Variants in CACNA1C observed in about 807,000 individuals in gnomAD.
CACNA1C encodes the protein voltage-dependent L-type calcium channel subunit alpha-1C.
In CACNA1C, 30 loss-of-function variants were observed where a neutral mutation model predicts 229.0. That is an observed-to-expected ratio of 0.13 (90% confidence interval 0.10 to 0.18). The LOEUF (loss-of-function observed/expected upper bound fraction) is 0.18, where lower values mean the gene tolerates loss of function less well. CACNA1C is among the 10% of genes least tolerant of loss of function. The probability of loss-of-function intolerance (pLI) is 1.00; values close to 1 mark genes in which losing one functional copy is unlikely to be tolerated. For missense variants in CACNA1C, 1,658 were observed against 2,845.0 expected (o/e 0.58, Z 9.49); for synonymous variants, 1,114 against 1,132.5 (o/e 0.98, Z 0.33).
At chr12:2,450,417 G>A (rs891818042) in intron 4 of CACNA1C, among the ~76,000 whole-genome samples, 8 of 151,748 alleles carry the variant, frequency 5.3e-5, no homozygotes, top group Non-Finnish European at 7.4e-5. Context: ...AGCCGGGCGA[G>A]GTGGCGGGCG....
intron 3 of CACNA1C, among the ~76,000 whole-genome samples, chr12:2,254,719 G>A (rs2076763121): frequency 6.6e-6 from 1 of 152,214 alleles, no homozygotes; most frequent in South Asian, 2.1e-4. Flanking sequence ...AGTCAGGGCT[G>A]AAGTGGGGTT....
At chr12:2,005,909 A>G (rs1054150124) in intron 1 of CACNA1C, among the ~76,000 whole-genome samples, 1 of 152,252 alleles carries the variant, frequency 6.6e-6, no homozygotes, top group African/African-American at 2.4e-5. Flanking sequence ...TCCAAGAAGA[A>G]TATCCACAAT....
intron 9 of CACNA1C, among the ~76,000 whole-genome samples, chr12:2,518,253 A>ATAT (rs1688466736): frequency 6.6e-6 from 1 of 152,188 alleles, no homozygotes; most frequent in Non-Finnish European, 1.5e-5. Context: ...AGTAACCTGA[A>ATAT]TATCGCTGAT....
chr12:2,247,672 A>G (rs530614068), intron 3 of CACNA1C, among the ~76,000 whole-genome samples: 1 of 152,346 alleles, frequency 6.6e-6, no homozygotes, highest in Non-Finnish European at 1.5e-5. Flanking sequence ...GCAAAGGGAC[A>G]AAAGGAAACT....
Position 2,550,029 on chromosome 12 carries a change from C to A in CACNA1C, c.1477C>A (p.Leu493Met), listed in dbSNP as rs376530064. The change falls in exon 10 of 47, where the codon CTG becomes ATG. Residue 493 changes from leucine (L) to methionine (M), a missense_variant. Physicochemically the swap from Leu to Met is conservative, Grantham distance 15 (BLOSUM62 2). Around this residue, in one of 20 missense-constraint regions of CACNA1C, gnomAD observed 149 missense variants for 194.2 expected, o/e 0.77. Transcript: ENST00000399655. ...CGAGGGAGAAAACTGCGGGGCCAGG[C>A]TGGCGTGAGTAGGCACGGCGAGCCC... ...DIEGENCGAR[L>M]AHRISKSKFS... 186 of 1,601,512 alleles carry A rather than the reference C, an allele frequency of 1.2e-4. No homozygotes were observed. Among genetic ancestry groups the A allele is most frequent in the Non-Finnish European group, 1.5e-4 (179 of 1,173,586 alleles).
rs904271246 is a variant in CACNA1C, at chr12:2,340,576, A to G, written c.478-108400A>G. 1.1e-4 allele frequency among the ~76,000 whole-genome samples: 17 copies of G among 152,338 alleles called. No homozygotes were observed. The East Asian group carries it at 2.9e-3, about 26-fold the overall frequency. On this transcript the variant is annotated intron_variant, in intron 3 of 46. Coordinates refer to ENST00000399655, the MANE Select transcript of CACNA1C (RefSeq NM_000719.7). The stretch of plus-strand genomic sequence containing the variant: ...ATTCTTATTTCTACCTGTAGTTAAG[A>G]TAAAATTCTGATCAACAGAGGGATC...
chr12:2,642,201 G>T lies in CACNA1C; in HGVS notation c.3913-6274G>T, dbSNP rs1010211348. Among the ~76,000 whole-genome samples the T allele has an allele frequency of 2.0e-5, 3 of 152,164 alleles. No individual in the cohort carries two copies. The South Asian group carries it at 6.2e-4, about 32-fold the overall frequency. ...ATTGCCGAGGTCCTGATGCGGCTCT[G>T]ACCCATCCAGGCTCCCCTTGCCCTC... On this transcript the variant is annotated intron_variant, in intron 30 of 46. Coordinates refer to ENST00000399655, the MANE Select transcript of CACNA1C (RefSeq NM_000719.7).
rs2097306538 is a variant in CACNA1C at position 2,354,748 on chromosome 12, CT to C, written c.478-94224del. 6.6e-6 allele frequency among the ~76,000 whole-genome samples: 1 copy of C among 152,178 alleles called. No homozygotes were observed. The highest frequency in any genetic ancestry group is 2.1e-4 in the South Asian group (1 of 4,832). ...GCATGTCACTTGGGCCTGACACCTG[CT>C]TTTGCCTTCTCCAGACACGGCAAGA... On this transcript the variant is annotated intron_variant, in intron 3 of 46. Coordinates refer to ENST00000399655, the MANE Select transcript of CACNA1C (RefSeq NM_000719.7). This position sits in a 1 kb window ranked among gnomAD's most constrained non-coding sequence, Gnocchi z 4.6.
Position 2,504,726 on chromosome 12 carries a change from C to T in CACNA1C, c.1114-116C>T, listed in dbSNP as rs1316525092. ...AGGCTGTTTGGCCTCTGATTTGCAC[C>T]TAGAGGGTCCCCGGATCCTGGCGCT... On this transcript the variant is annotated intron_variant, in intron 7 of 46. Transcript: ENST00000399655. This position sits in a 1 kb window ranked among gnomAD's most constrained non-coding sequence, Gnocchi z 6.8. The T allele has an allele frequency of 2.6e-6, 2 of 772,264 alleles. No individual in the cohort carries two copies. The highest frequency in any genetic ancestry group is 4.5e-6 in the Non-Finnish European group (2 of 440,254). The allele number at this position is 772,264 out of a possible 1,614,324, so 47.8% of individuals were successfully genotyped here. A position where few individuals can be genotyped will look rare whatever the true frequency, so the allele number is the denominator to read the frequency against.
Position 2,678,016 on chromosome 12 carries a change from C to T in CACNA1C, c.5091+149C>T. On this transcript the variant is annotated intron_variant, in intron 41 of 46. Transcript: ENST00000399655. The surrounding 1 kb of genome is among the most constrained non-coding windows in gnomAD (Gnocchi z 4.1). ...GGCTCTTCCTGATGAGCTGTCTCCT[C>T]ACCCCTTTGCCTTTTCCAAGCCTGA... is the stretch of plus-strand genomic sequence containing the variant. 1.1e-6 allele frequency: 1 copy of T among 882,746 alleles called. No individual in the cohort carries two copies. Among genetic ancestry groups the T allele is most frequent in the Non-Finnish European group, 1.7e-6 (1 of 582,656 alleles). The allele number at this position is 882,746 out of a possible 1,614,324, so 54.7% of individuals were successfully genotyped here. A position where few individuals can be genotyped will look rare whatever the true frequency, so the allele number is the denominator to read the frequency against.
chr12:2,216,280 G>A (rs1311318427), intron 3 of CACNA1C, among the ~76,000 whole-genome samples: 1 of 152,188 alleles, frequency 6.6e-6, no homozygotes, highest in African/African-American at 2.4e-5. Context: ...TGTCCCTACT[G>A]CCTTGAAAGG....
At chr12:2,659,448 G>A (rs558859039) in intron 34 of CACNA1C, among the ~76,000 whole-genome samples, 2 of 152,288 alleles carry the variant, frequency 1.3e-5, no homozygotes, top group East Asian at 3.9e-4. Flanking sequence ...GTTTGTGTGA[G>A]TCCACTCTAT....
At position 2,609,392 on chromosome 12, in the gene CACNA1C, G is replaced by A. The variant is rs773793323; in HGVS notation, c.3558+680G>A. 4.6e-5 allele frequency among the ~76,000 whole-genome samples: 7 copies of A among 151,996 alleles called. No homozygotes were observed. The East Asian group carries it at 5.8e-4, about 13-fold the overall frequency. ...ATAAGGAGTGCCCACGGGCAGGAGC[G>A]CAGCGTGGTGTGCTCCTTGTGACCC... On this transcript the variant is annotated intron_variant, in intron 27 of 46. Transcript: ENST00000399655.
At chr12:1,999,850 C>G (rs1296544794) in intron 1 of CACNA1C, among the ~76,000 whole-genome samples, 1 of 152,206 alleles carries the variant, frequency 6.6e-6, no homozygotes, top group African/African-American at 2.4e-5. Context: ...GTATAAATCA[C>G]CACAACATAC....
At chr12:2,622,825 C>G (rs1436686359) in intron 29 of CACNA1C, among the ~76,000 whole-genome samples, 2 of 152,148 alleles carry the variant, frequency 1.3e-5, no homozygotes, top group African/African-American at 2.4e-5. Flanking sequence ...CTACAATGGT[C>G]AGGGCAGCCT....
intron 30 of CACNA1C, among the ~76,000 whole-genome samples, chr12:2,635,197 G>A (rs1603062994): frequency 6.6e-6 from 1 of 151,946 alleles, no homozygotes; most frequent in South Asian, 2.1e-4. Flanking sequence ...CCTGCCTCTG[G>A]CTCCCGAGCC....
chr12:2,444,241 T>G (rs1172960737), intron 3 of CACNA1C, among the ~76,000 whole-genome samples: 1 of 152,226 alleles, frequency 6.6e-6, no homozygotes, highest in Non-Finnish European at 1.5e-5. Context: ...AAGTCTGGTT[T>G]CCTGTCCTCT....
At chr12:2,416,700 G>A (rs544613000) in intron 3 of CACNA1C, among the ~76,000 whole-genome samples, 4 of 152,320 alleles carry the variant, frequency 2.6e-5, no homozygotes, top group Admixed American at 6.5e-5. Context: ...GCCAGGGAAC[G>A]TCTCCATCAG....
Position 2,486,222 on chromosome 12 carries a change from G to A in CACNA1C, c.876G>A (p.Gly292=), listed in dbSNP as rs2154570585. 2 of 1,613,756 alleles carry A rather than the reference G, an allele frequency of 1.2e-6. No individual in the cohort carries two copies. The highest frequency in any genetic ancestry group is 1.7e-4 in the Middle Eastern group (1 of 6,060). The change falls in exon 6 of 47, where the codon GGG becomes GGA. Residue 292 remains glycine (G), a synonymous_variant. Coordinates refer to ENST00000399655, the MANE Select transcript of CACNA1C (RefSeq NM_000719.7). The surrounding 1 kb of genome is among the most constrained non-coding windows in gnomAD (Gnocchi z 4.9). ...TCATCGGCTTGGAGCTCTTCATGGG[G>A]AAGATGCACAAGACCTGCTACAACC... ...YAIIGLELFM[G]KMHKTCYNQE... is the part of the protein sequence containing the mutation.
Sources: gnomAD v4.1 joint callset for allele counts (sites outside exome capture counted in the v4.1 genomes callset) on GRCh38, gnomAD v4.1.1 for gene constraint, gnomAD v4.1.1 regional missense constraint, Gnocchi (gnomAD v3.1) non-coding constraint, MANE v1.5 for transcripts, NCBI Gene and HGNC (gene_info 2026-07-23, HGNC 2026-07-21) for gene names.